Variants in INPP5A observed in about 807,000 individuals in gnomAD.
INPP5A encodes the protein inositol polyphosphate-5-phosphatase A.
A neutral mutation model predicts 65.2 loss-of-function variants in INPP5A; 14 were observed. That is an observed-to-expected ratio of 0.21 (90% CI 0.14 to 0.34). The LOEUF is 0.34. Ranked by LOEUF, INPP5A falls within the 10% of genes least tolerant of loss-of-function variation. The pLI is 1.00. For missense variants in INPP5A, 431 were observed against 545.6 expected, an observed-to-expected ratio of 0.79 and a Z score of 2.09; for synonymous variants, 207 against 208.3, an observed-to-expected ratio of 0.99 and a Z score of 0.05.
Position 132,587,890 on chromosome 10 carries a change from T to A in INPP5A, c.76-20025T>A, listed in dbSNP as rs995931241. On this transcript the variant is annotated intron_variant, in intron 1 of 15. Transcript: ENST00000368594. This position sits in a 1 kb window ranked among gnomAD's most constrained non-coding sequence, Gnocchi z 4.3. ...AGCCGGGCATGGTGGTGCACGCCTG[T>A]AATCCCAGCTACTTAGGAGGCTGAC... Among the ~76,000 whole-genome samples, 1 of 151,502 alleles carries A rather than the reference T, an allele frequency of 6.6e-6. No homozygotes were observed. The highest frequency in any genetic ancestry group is 1.5e-5 in the Non-Finnish European group (1 of 67,980).
At chr10:132,620,610 AT>A (rs1233560281) in intron 2 of INPP5A, among the ~76,000 whole-genome samples, 1 of 152,212 alleles carries the variant, frequency 6.6e-6, no homozygotes, top group Non-Finnish European at 1.5e-5. Flanking sequence ...TATTAATATA[AT>A]TTATGCCAAT....
At chr10:132,781,986 A>G (rs1200117494) in intron 15 of INPP5A, 38 bp downstream of exon 15, 11 of 1,612,600 alleles carry the variant, frequency 6.8e-6, no homozygotes, top group Non-Finnish European at 9.3e-6. Flanking sequence ...GCTTTTACGC[A>G]GCTTTTCCTG....
chr10:132,720,782 G>A (rs1232237709), intron 8 of INPP5A, among the ~76,000 whole-genome samples: 1 of 148,276 alleles, frequency 6.7e-6, no homozygotes, highest in Non-Finnish European at 1.5e-5. Context: ...GTGGTACCTG[G>A]GTTCTGTCTG....
chr10:132,715,676 G>A (rs555044156), intron 8 of INPP5A, among the ~76,000 whole-genome samples: 9 of 152,340 alleles, frequency 5.9e-5, no homozygotes, highest in Admixed American at 4.6e-4. Context: ...AAGCTGCTGC[G>A]TCTCCAGGCA....
At chr10:132,629,929 G>T (rs905397672) in intron 2 of INPP5A, among the ~76,000 whole-genome samples, 1 of 152,206 alleles carries the variant, frequency 6.6e-6, no homozygotes, top group Non-Finnish European at 1.5e-5. Context: ...ATCCAAGAAG[G>T]GTGGGCGTCC....
At position 132,550,039 on chromosome 10, in the gene INPP5A, G is replaced by A. The variant is rs2133252550; in HGVS notation, c.75+11868G>A. 1.2e-5 allele frequency among the ~76,000 whole-genome samples: 1 copy of A among 84,248 alleles called. No homozygotes were observed. The highest frequency in any genetic ancestry group is 5.6e-4 in the South Asian group (1 of 1,770). The allele number at this position is 84,248 out of a possible 152,430, so 55.3% of individuals were successfully genotyped here. A position where few individuals can be genotyped will look rare whatever the true frequency, so the allele number is the denominator to read the frequency against. On this transcript the variant is annotated intron_variant, in intron 1 of 15. Coordinates refer to ENST00000368594, the MANE Select transcript of INPP5A (RefSeq NM_005539.5). The surrounding 1 kb of genome is among the most constrained non-coding windows in gnomAD (Gnocchi z 4.2). ...CCTCGAGTTACTAACCGGGCATTAG[G>A]GGATGGGGTCAGCCTCGAGTTACTA...
At chr10:132,752,952 T>C (rs117958350) in intron 11 of INPP5A, among the ~76,000 whole-genome samples, 2,690 of 152,182 alleles carry the variant, frequency 0.018, 41 homozygotes, top group South Asian at 0.039. Context: ...AGGCACCCGG[T>C]GTGATTGCGG....
intron 12 of INPP5A, among the ~76,000 whole-genome samples, chr10:132,776,419 C>G (rs902299485): frequency 1.3e-5 from 2 of 152,086 alleles, no homozygotes; most frequent in Admixed American, 1.3e-4. Context: ...GGGCAGGGTC[C>G]GGGGGGCATG....
intron 2 of INPP5A, among the ~76,000 whole-genome samples, chr10:132,628,475 G>GA: frequency 6.6e-6 from 1 of 150,976 alleles, no homozygotes; most frequent in South Asian, 2.1e-4. Context: ...GGGGGGGGGG[G>GA]GGGCGTGGCG....
Position 132,771,807 on chromosome 10 carries a change from A to T in INPP5A, c.978-5864A>T, listed in dbSNP as rs61514185. On this transcript the variant is annotated intron_variant, in intron 12 of 15. Coordinates refer to ENST00000368594, the MANE Select transcript of INPP5A (RefSeq NM_005539.5). ...ACACTCAGCACTGACACGGAGGCCC[A>T]GGCAGCCGCCCCGTGAAGAGTGGGG... Among the ~76,000 whole-genome samples, 76 of 73,918 alleles carry T rather than the reference A, an allele frequency of 1.0e-3. 1 individual carries two copies. The highest frequency in any genetic ancestry group is 8.2e-3 in the Middle Eastern group (1 of 122). 48.5% of individuals were successfully genotyped at this position (73,918 alleles called of 152,430 possible). A position where few individuals can be genotyped will look rare whatever the true frequency, so the allele number is the denominator to read the frequency against.
chr10:132,596,901 CTG>C (rs2071700738), intron 1 of INPP5A, among the ~76,000 whole-genome samples: 1 of 102,716 alleles, frequency 9.7e-6, no homozygotes, highest in East Asian at 3.7e-4. Context: ...TTGGAGGCTC[CTG>C]TGCATGTGTG....
At chr10:132,726,495 G>A (rs1253168709) in intron 8 of INPP5A, among the ~76,000 whole-genome samples, 4 of 152,206 alleles carry the variant, frequency 2.6e-5, no homozygotes, top group South Asian at 4.1e-4. Flanking sequence ...CGGGGCAGCC[G>A]TGGTTTTCCA....
chr10:132,581,962 C>T (rs1047496085), intron 1 of INPP5A, among the ~76,000 whole-genome samples: 7 of 152,006 alleles, frequency 4.6e-5, no homozygotes, highest in South Asian at 2.1e-4. Context: ...CTCAGCTTCC[C>T]GAGTAGCTGG....
intron 12 of INPP5A, among the ~76,000 whole-genome samples, chr10:132,773,457 A>G (rs950704292): frequency 2.6e-5 from 4 of 152,212 alleles, no homozygotes; most frequent in Admixed American, 2.6e-4. Context: ...GGACACATAT[A>G]TTTTTAAATT....
intron 6 of INPP5A, among the ~76,000 whole-genome samples, chr10:132,701,016 G>A (rs1212870470): frequency 6.6e-6 from 1 of 152,222 alleles, no homozygotes; most frequent in Non-Finnish European, 1.5e-5. Context: ...ATAGATCACA[G>A]GGCCGGCTGC....
chr10:132,618,876 G>C (rs879089333), intron 2 of INPP5A, among the ~76,000 whole-genome samples: 1 of 152,126 alleles, frequency 6.6e-6, no homozygotes, highest in East Asian at 1.9e-4. Flanking sequence ...TATCACCAAG[G>C]GGATGGCCCA....
At chr10:132,721,537 GT>G (rs1845880877) in intron 8 of INPP5A, among the ~76,000 whole-genome samples, 1 of 150,496 alleles carries the variant, frequency 6.6e-6, no homozygotes, top group African/African-American at 2.5e-5. Context: ...CTATCTTGCG[GT>G]TTCTGTGGTG....
chr10:132,570,863 G>A lies in INPP5A; in HGVS notation c.75+32692G>A, dbSNP rs546152068. On this transcript the variant is annotated intron_variant, in intron 1 of 15. Transcript: ENST00000368594. ...GCCAGTGAGCTTCGTGCTGCGATGT[G>A]GATAGAGGGCCGTCCTTCCGGCCGC... 6.6e-5 allele frequency among the ~76,000 whole-genome samples: 10 copies of A among 152,330 alleles called. No individual in the cohort carries two copies. In the East Asian group the frequency reaches 1.9e-3, roughly 29 times the overall value.
At chr10:132,577,840 A>G (rs1420986210) in intron 1 of INPP5A, among the ~76,000 whole-genome samples, 2 of 152,162 alleles carry the variant, frequency 1.3e-5, no homozygotes, top group Non-Finnish European at 2.9e-5. Flanking sequence ...TCTCGGTTCC[A>G]GCCTCGTTGG....
Sources: gnomAD v4.1 joint callset for allele counts (sites outside exome capture counted in the v4.1 genomes callset) on GRCh38, gnomAD v4.1.1 for gene constraint, Gnocchi (gnomAD v3.1) non-coding constraint, MANE v1.5 for transcripts, NCBI Gene and HGNC (gene_info 2026-07-23, HGNC 2026-07-21) for gene names.